The following NAV3 variants were observed in gnomAD, a reference collection of about 807,000 sequenced individuals.
The protein encoded by NAV3 is pore membrane and/or filament interacting like protein 1.
A neutral mutation model predicts 244.7 loss-of-function variants in NAV3; 87 were observed. The ratio of observed to expected loss-of-function variants is 0.36; its 90% CI spans 0.30 to 0.42. The LOEUF (loss-of-function observed/expected upper bound fraction) is 0.42, where lower values mean the gene tolerates loss of function less well. Among genes scored for constraint, NAV3 ranks in the 20% least tolerant of loss-of-function variants. The pLI is 1.00. For missense variants in NAV3, 2,663 were observed against 2,893.3 expected (o/e 0.92, Z 1.83); for synonymous variants, 1,126 against 1,042.2 (o/e 1.08, Z -1.55).
chr12:77,965,731 A>C (rs1892455985), intron 3 of NAV3, among the ~76,000 whole-genome samples: 1 of 152,206 alleles, frequency 6.6e-6, no homozygotes, highest in African/African-American at 2.4e-5. Context: ...AGAAATACAA[A>C]TATAATTTTT....
chr12:78,101,976 C>G (rs1868372), intron 12 of NAV3, among the ~76,000 whole-genome samples: 30,279 of 151,928 alleles, frequency 0.2, 3,094 homozygotes, highest in Non-Finnish European at 0.23. Context: ...TAAAAATGTG[C>G]GAAAAAGTTA....
chr12:77,933,095 G>T (rs1233917362), intron 1 of NAV3, among the ~76,000 whole-genome samples: 1 of 152,084 alleles, frequency 6.6e-6, no homozygotes, highest in Non-Finnish European at 1.5e-5. Context: ...TCTTAAAAAT[G>T]GAATAAATTG....
intron 8 of NAV3, among the ~76,000 whole-genome samples, chr12:78,017,637 C>A (rs1022093504): frequency 6.6e-6 from 1 of 152,090 alleles, no homozygotes; most frequent in Non-Finnish European, 1.5e-5. Flanking sequence ...AATGCATTAT[C>A]AGTTTATGGG....
At chr12:77,617,582 A>T (rs1362027534) in intron 2 of NAV3, among the ~76,000 whole-genome samples, 1 of 152,212 alleles carries the variant, frequency 6.6e-6, no homozygotes, top group African/African-American at 2.4e-5. Flanking sequence ...GCAGCAGAGA[A>T]GCAGTCTAAT....
chr12:77,844,553 C>A (rs2136196083), intron 1 of NAV3, among the ~76,000 whole-genome samples: 1 of 152,272 alleles, frequency 6.6e-6, no homozygotes, highest in Middle Eastern at 3.4e-3. Context: ...AGGGATAATA[C>A]AATGTAGTTT....
At chr12:77,918,880 A>C (rs1454961241) in intron 1 of NAV3, among the ~76,000 whole-genome samples, 1 of 152,048 alleles carries the variant, frequency 6.6e-6, no homozygotes, top group African/African-American at 2.4e-5. Context: ...CAAATGACCA[A>C]CCCAAATTCA....
intron 11 of NAV3, among the ~76,000 whole-genome samples, chr12:78,052,803 C>CT (rs1215227632): frequency 6.6e-6 from 1 of 151,868 alleles, no homozygotes; most frequent in African/African-American, 2.4e-5. Context: ...CCCCTCTTCT[C>CT]TTTTTTTTCT....
Position 77,923,740 on chromosome 12 carries a change from A to G in NAV3, c.244-16579A>G, listed in dbSNP as rs188602319. 1.3e-3 allele frequency among the ~76,000 whole-genome samples: 204 copies of G among 152,254 alleles called. 1 individual carries two copies. The highest frequency in any genetic ancestry group is 4.7e-3 in the African/African-American group (194 of 41,560). On this transcript the variant is annotated intron_variant, in intron 1 of 39. Coordinates refer to ENST00000397909, the MANE Select transcript of NAV3 (RefSeq NM_001024383.2). ...AACTTGACCAACAAATGCTCACACT[A>G]CCACCCCAGAATCAGCAGTAAAAAA...
chr12:77,936,291 A>G (rs1267163026), intron 1 of NAV3, among the ~76,000 whole-genome samples: 1 of 152,162 alleles, frequency 6.6e-6, no homozygotes, highest in Admixed American at 6.6e-5. Context: ...TTGTACTAGA[A>G]TTTCTAAGTA....
At chr12:78,169,246 A>C (rs1454616226) in intron 24 of NAV3, among the ~76,000 whole-genome samples, 8 of 151,756 alleles carry the variant, frequency 5.3e-5, no homozygotes. Flanking sequence ...CTAGATCTGT[A>C]TTTAAAAATG....
At chr12:77,683,489 G>T (rs1249528396) in intron 2 of NAV3, among the ~76,000 whole-genome samples, 1 of 151,888 alleles carries the variant, frequency 6.6e-6, no homozygotes, top group Non-Finnish European at 1.5e-5. Context: ...GCTTAGGATT[G>T]CTTCAGCTAT....
intron 35 of NAV3, 93 bp from the exon 36 acceptor site, chr12:78,198,512 C>A (rs1959233587): frequency 2.9e-6 from 2 of 697,546 alleles, no homozygotes; most frequent in Non-Finnish European, 4.8e-6. Flanking sequence ...ATGGAATAAT[C>A]CATATCTATC....
At chr12:77,940,283 A>G in intron 1 of NAV3, 36 bp from the exon 2 acceptor site, 1 of 1,462,528 alleles carries the variant, frequency 6.8e-7, no homozygotes, top group Non-Finnish European at 9.5e-7. Context: ...GTTTTCCCTC[A>G]CCCCATCTCA....
intron 6 of NAV3, among the ~76,000 whole-genome samples, chr12:77,995,401 C>T (rs991883684): frequency 3.3e-5 from 5 of 152,094 alleles, no homozygotes; most frequent in Admixed American, 2.0e-4. Flanking sequence ...AATGATAGTG[C>T]GTTATATACT....
intron 1 of NAV3, among the ~76,000 whole-genome samples, chr12:77,878,253 G>T (rs1173471157): frequency 1.3e-5 from 2 of 152,094 alleles, no homozygotes; most frequent in African/African-American, 4.8e-5. Context: ...TTGAGATGGT[G>T]TCTTGCTCTG....
chr12:77,891,356 T>G (rs564456384), intron 1 of NAV3, among the ~76,000 whole-genome samples: 4 of 150,990 alleles, frequency 2.6e-5, no homozygotes, highest in Non-Finnish European at 5.9e-5. Flanking sequence ...TAAAGATTAC[T>G]TCAATACTAA....
intron 38 of NAV3, among the ~76,000 whole-genome samples, chr12:78,203,564 A>T (rs953350944): frequency 2.6e-5 from 4 of 152,136 alleles, no homozygotes; most frequent in African/African-American, 9.7e-5. Context: ...AAGAAACTCA[A>T]AAGAAAACTC....
chr12:78,032,355 A>G, intron 9 of NAV3, among the ~76,000 whole-genome samples: 1 of 152,200 alleles, frequency 6.6e-6, no homozygotes, highest in East Asian at 1.9e-4. Flanking sequence ...TGTCTTTGCC[A>G]TTAAATGGTA....
intron 5 of NAV3, among the ~76,000 whole-genome samples, chr12:77,982,242 G>C (rs994704150): frequency 1.8e-4 from 11 of 61,192 alleles, no homozygotes; most frequent in Admixed American, 6.0e-4. Flanking sequence ...TGTTGCTATT[G>C]ATCCTTTATA....
Sources: gnomAD v4.1 joint callset for allele counts (sites outside exome capture counted in the v4.1 genomes callset) on GRCh38, gnomAD v4.1.1 for gene constraint, MANE v1.5 for transcripts, NCBI Gene and HGNC (gene_info 2026-07-23, HGNC 2026-07-21) for gene names.